The following MEIS2 variants were observed in gnomAD, a reference collection of about 807,000 sequenced individuals.
MEIS2 encodes homeobox protein Meis2.
In MEIS2, 9 loss-of-function variants were observed where a neutral mutation model predicts 58.6. That is an observed-to-expected ratio of 0.15 (90% CI 0.09 to 0.27). The LOEUF is 0.27. Among genes scored for constraint, MEIS2 ranks in the 10% least tolerant of loss-of-function variants. The probability of loss-of-function intolerance (pLI) is 1.00; values close to 1 mark genes in which losing one functional copy is unlikely to be tolerated. For missense variants in MEIS2, 427 were observed against 635.0 expected, an observed-to-expected ratio of 0.67 and a Z score of 3.52; for synonymous variants, 221 against 228.4, an observed-to-expected ratio of 0.97 and a Z score of 0.29.
intron 8 of MEIS2, among the ~76,000 whole-genome samples, chr15:36,988,631 G>A (rs923429622): frequency 3.3e-5 from 5 of 152,136 alleles, no homozygotes; most frequent in African/African-American, 2.4e-5. Flanking sequence ...TAGAAAGAAG[G>A]AAAAGATTTA....
chr15:36,925,354 T>TGGA (rs908140278), intron 9 of MEIS2, among the ~76,000 whole-genome samples: 10 of 152,158 alleles, frequency 6.6e-5, no homozygotes, highest in Non-Finnish European at 1.3e-4. Context: ...TTCATGAAGA[T>TGGA]GGAGGGGCGC....
At chr15:37,013,992 A>C (rs1374974357) in intron 8 of MEIS2, among the ~76,000 whole-genome samples, 1 of 152,220 alleles carries the variant, frequency 6.6e-6, no homozygotes, top group Admixed American at 6.5e-5. Context: ...TATGGGCAAG[A>C]ACCCAGGGAA....
At chr15:36,923,149 C>T (rs1431183838) in intron 9 of MEIS2, among the ~76,000 whole-genome samples, 2 of 152,106 alleles carry the variant, frequency 1.3e-5, no homozygotes, top group Non-Finnish European at 1.5e-5. Context: ...ACAAAATGCG[C>T]TTAATTTCTG....
intron 7 of MEIS2, among the ~76,000 whole-genome samples, chr15:37,080,401 T>A (rs1267415315): frequency 6.6e-6 from 1 of 152,200 alleles, no homozygotes; most frequent in South Asian, 2.1e-4. Flanking sequence ...CATGCGTAAC[T>A]CCCATCAGCG....
intron 7 of MEIS2, among the ~76,000 whole-genome samples, chr15:37,078,154 T>C (rs546853957): frequency 3.3e-5 from 5 of 152,004 alleles, no homozygotes; most frequent in Non-Finnish European, 7.4e-5. Context: ...GCTTCTGCAT[T>C]GAACGGCTGA....
intron 8 of MEIS2, among the ~76,000 whole-genome samples, chr15:37,001,186 C>G (rs559582131): frequency 1.2e-4 from 18 of 152,294 alleles, no homozygotes; most frequent in Middle Eastern, 3.4e-3. Context: ...GAAGTATTTT[C>G]TCACTTATCT....
intron 8 of MEIS2, among the ~76,000 whole-genome samples, chr15:36,995,689 G>C (rs554761751): frequency 1.5e-5 from 1 of 65,666 alleles, no homozygotes; most frequent in Admixed American, 2.5e-4. Context: ...TCATCAGCTA[G>C]CTCAGTTTAC....
chr15:37,013,583 AT>A (rs1275090506), intron 8 of MEIS2, among the ~76,000 whole-genome samples: 2 of 147,588 alleles, frequency 1.4e-5, no homozygotes, highest in African/African-American at 2.5e-5. Context: ...AAAAAAAAAA[AT>A]TATATATATA....
At chr15:36,996,898 G>A (rs184385143) in intron 8 of MEIS2, among the ~76,000 whole-genome samples, 1 of 152,240 alleles carries the variant, frequency 6.6e-6, no homozygotes, top group East Asian at 1.9e-4. Context: ...TTGCATTCAG[G>A]CCTCCCCTTA....
At chr15:36,987,929 C>T (rs937609314) in intron 8 of MEIS2, among the ~76,000 whole-genome samples, 1 of 152,126 alleles carries the variant, frequency 6.6e-6, no homozygotes, top group African/African-American at 2.4e-5. Flanking sequence ...AGCTCTTTTA[C>T]AATTTTTGAT....
intron 9 of MEIS2, among the ~76,000 whole-genome samples, chr15:36,941,982 TA>T (rs770441526): frequency 6.6e-6 from 1 of 152,132 alleles, no homozygotes; most frequent in Non-Finnish European, 1.5e-5. Flanking sequence ...AGGTCGACAT[TA>T]AACAGCCTGA....
At chr15:36,935,723 C>T (rs2058142116) in intron 9 of MEIS2, among the ~76,000 whole-genome samples, 6 of 151,654 alleles carry the variant, frequency 4.0e-5, no homozygotes, top group Admixed American at 3.9e-4. Flanking sequence ...GGATCTGGGG[C>T]CTTGATCTGT....
intron 3 of MEIS2, 196 bp from the exon 4 acceptor site, chr15:37,095,810 A>AG: frequency 1.4e-6 from 1 of 728,614 alleles, no homozygotes; most frequent in Non-Finnish European, 2.2e-6. Context: ...GGCCCCATTA[A>AG]GGGGGACCTG....
intron 8 of MEIS2, among the ~76,000 whole-genome samples, chr15:36,969,312 T>C (rs2059455858): frequency 6.6e-6 from 1 of 152,208 alleles, no homozygotes; most frequent in Admixed American, 6.5e-5. Flanking sequence ...AGTCCTGTTT[T>C]TGTCTCTTCA....
chr15:36,992,618 T>G (rs1196905369), intron 8 of MEIS2, among the ~76,000 whole-genome samples: 1 of 152,184 alleles, frequency 6.6e-6, no homozygotes, highest in Non-Finnish European at 1.5e-5. Flanking sequence ...TCATCGAATC[T>G]AGGGTGTTAT....
intron 9 of MEIS2, among the ~76,000 whole-genome samples, chr15:36,941,157 C>A (rs563174589): frequency 6.6e-6 from 1 of 152,260 alleles, no homozygotes; most frequent in East Asian, 1.9e-4. Flanking sequence ...AAGAGCTACC[C>A]TGAGTTACAC....
chr15:37,013,445 G>A (rs1057078206), intron 8 of MEIS2, among the ~76,000 whole-genome samples: 2 of 151,512 alleles, frequency 1.3e-5, no homozygotes, highest in Admixed American at 6.6e-5. Context: ...GGTGGTGGGC[G>A]CCTGTAATCC....
At chr15:36,894,892 T>G in intron 11 of MEIS2, 1 of 1,198,724 alleles carries the variant, frequency 8.3e-7, no homozygotes, top group Non-Finnish European at 1.2e-6. Context: ...AAACTCAGAT[T>G]CCTTTTCACT....
At chr15:36,925,847 C>T (rs1329042583) in intron 9 of MEIS2, among the ~76,000 whole-genome samples, 1 of 152,100 alleles carries the variant, frequency 6.6e-6, no homozygotes, top group Non-Finnish European at 1.5e-5. Context: ...GCTCGTTTGC[C>T]GCTGCTCATT....
Sources: gnomAD v4.1 joint callset for allele counts (sites outside exome capture counted in the v4.1 genomes callset) on GRCh38, gnomAD v4.1.1 for gene constraint, MANE v1.5 for transcripts, NCBI Gene and HGNC (gene_info 2026-07-23, HGNC 2026-07-21) for gene names.